PKD1: variants seen among roughly 807,000 people sequenced by gnomAD.
The protein encoded by PKD1 is polycystin 1, transient receptor potential channel interacting.
PKD1 carries 81 observed loss-of-function variants against 361.7 expected under a neutral mutation model. That is an observed-to-expected ratio of 0.22 (90% confidence interval 0.19 to 0.27). The LOEUF is 0.27. Ranked by LOEUF, PKD1 falls within the 10% of genes least tolerant of loss-of-function variation. The pLI is 1.00. For synonymous variants in PKD1, 3,615 were observed against 2,818.3 expected, an observed-to-expected ratio of 1.28 and a Z score of -8.95; for missense variants, 6,399 against 6,118.3, an observed-to-expected ratio of 1.05 and a Z score of -1.53.
At position 2,106,819 on chromosome 16, in the gene PKD1, C is replaced by T. The variant is rs1295123804; in HGVS notation, c.7195G>A (p.Gly2399Ser). The change falls in exon 17 of 46, where the codon GGC becomes AGC. Residue 2399 changes from glycine to serine, a missense_variant. Coordinates refer to ENST00000262304, the MANE Select transcript of PKD1 (RefSeq NM_001009944.3). The surrounding 1 kb of genome is among the most constrained non-coding windows in gnomAD (Gnocchi z 6.5). ...LEGRCLNCSSGSKRGRWAART... is the reference protein window; with the variant it reads ...LEGRCLNCSSSSKRGRWAART... ...TCAACACTCACCCCTCGCTTGGAGC[C>T]GCTGCTGCAATTGAGGCAGCGGCCC... The T allele has an allele frequency of 7.1e-6, 11 of 1,553,138 alleles. No homozygotes were observed. The highest frequency in any genetic ancestry group is 2.2e-5 in the South Asian group (2 of 90,320).
Position 2,111,672 on chromosome 16 carries a change from G to T in PKD1, c.3495C>A (p.Asp1165Glu). 6.3e-7 allele frequency: 1 copy of T among 1,575,346 alleles called. No individual in the cohort carries two copies. Among genetic ancestry groups the T allele is most frequent in the Non-Finnish European group, 8.6e-7 (1 of 1,162,002 alleles). Reference sequence around the variant, plus strand: ...GGCTCTGGGTCAGGACAGGGGAGCCGTCCCCGAAGTCCCACGTGTAAAGAA... The same window carrying T: ...GGCTCTGGGTCAGGACAGGGGAGCCTTCCCCGAAGTCCCACGTGTAAAGAA... Reference protein sequence around the residue: ...GGVLYTWDFGDGSPVLTQSQP... With the variant: ...GGVLYTWDFGEGSPVLTQSQP... The change falls in exon 15 of 46, where the codon GAC becomes GAA. Residue 1165 changes from aspartate (D) to glutamate (E), a missense_variant. By Grantham distance (45) the Asp-to-Glu change is conservative. Coordinates refer to ENST00000262304, the MANE Select transcript of PKD1 (RefSeq NM_001009944.3).
At position 2,106,342 on chromosome 16, in the gene PKD1, G is replaced by A. The variant is rs775658891; in HGVS notation, c.7490-38C>T. The A allele has an allele frequency of 1.0e-4, 160 of 1,604,346 alleles. 1 individual carries two copies. Among genetic ancestry groups the A allele is most frequent in the South Asian group, 3.2e-4 (29 of 90,540 alleles). On this transcript the variant is annotated intron_variant, in intron 18 of 45. Coordinates refer to ENST00000262304, the MANE Select transcript of PKD1 (RefSeq NM_001009944.3). The surrounding 1 kb of genome is among the most constrained non-coding windows in gnomAD (Gnocchi z 6.5). The stretch of plus-strand genomic sequence containing the variant: ...CCCCACGGCATCACGGGAGGGCTCC[G>A]TGACGTCACAGAGTCGGGGGATCCC...
chr16:2,132,354 G>C lies in PKD1; in HGVS notation c.215+3121C>G, dbSNP rs570152259. 2.3e-3 allele frequency among the ~76,000 whole-genome samples: 351 copies of C among 151,800 alleles called. 2 individuals carry two copies. Among genetic ancestry groups the C allele is most frequent in the African/African-American group, 8.0e-3 (330 of 41,306 alleles). ...GGAGGCCGAGGTGGGCAGATCACGA[G>C]GTCAGGAGATCGAGACCATCCTGGC... On this transcript the variant is annotated intron_variant, in intron 1 of 45. Transcript: ENST00000262304.
intron 1 of PKD1, among the ~76,000 whole-genome samples, chr16:2,125,155 C>T (rs558826471): frequency 3.9e-5 from 6 of 152,216 alleles, no homozygotes; most frequent in South Asian, 4.1e-4. Context: ...CTTCCAGGGC[C>T]GGAAATGATC....
chr16:2,097,616 G>C lies in PKD1; in HGVS notation c.10220+112C>G, dbSNP rs905557036. 7 of 1,610,124 alleles carry C rather than the reference G, an allele frequency of 4.3e-6. No individual in the cohort carries two copies. In the South Asian group the frequency reaches 5.5e-5, roughly 13 times the overall value. ...TTCCGAGCAAACCTGCTCCCGGGTGGTGTGACCACATGGAGCCACAGACAC... is the reference window on the plus strand; with the variant it reads ...TTCCGAGCAAACCTGCTCCCGGGTGCTGTGACCACATGGAGCCACAGACAC... On this transcript the variant is annotated intron_variant, in intron 32 of 45. Transcript: ENST00000262304.
At position 2,097,912 on chromosome 16, in the gene PKD1, C is replaced by A; in HGVS notation, c.10123G>T (p.Val3375Leu). ...AACGTGAGGAAGGAGCTGTCCAGCA[C>A]GGACGAGTCCAGGCAGCTGTCGATG... Reference protein sequence around the residue: ...LDIDSCLDSSVLDSSFLTFSG... With the variant: ...LDIDSCLDSSLLDSSFLTFSG... The change falls in exon 31 of 46, where the codon GTG becomes TTG. Residue 3375 changes from valine to leucine, a missense_variant. Val to Leu is a conservative substitution (Grantham distance 32, BLOSUM62 1). Coordinates refer to ENST00000262304, the MANE Select transcript of PKD1 (RefSeq NM_001009944.3). The A allele has an allele frequency of 6.2e-7, 1 of 1,604,302 alleles. No individual in the cohort carries two copies. Among genetic ancestry groups the A allele is most frequent in the Non-Finnish European group, 8.5e-7 (1 of 1,173,998 alleles).
chr16:2,103,588 C>T lies in PKD1; in HGVS notation c.8469G>A (p.Val2823=), dbSNP rs751946430. The T allele has an allele frequency of 3.1e-6, 5 of 1,610,378 alleles. No individual in the cohort carries two copies. Among genetic ancestry groups the T allele is most frequent in the Non-Finnish European group, 4.2e-6 (5 of 1,179,702 alleles). Residue 2823 remains valine (V), a synonymous_variant, in exon 23 of 46, where the codon GTG becomes GTA. Transcript: ENST00000262304. ...SGALANLSDV[V]QLIFLVDSNP... ...TGGAGTCCACCAGAAAGATGAGCTG[C>T]ACCACGTCACTGAGGTTGGCCAGGG...
intron 8 of PKD1, 90 bp downstream of exon 8, chr16:2,116,439 G>C: frequency 1.4e-6 from 1 of 718,316 alleles, no homozygotes; most frequent in South Asian, 1.6e-5. Flanking sequence ...AGGCCCCCAA[G>C]TTTTTTGGCG....
Position 2,093,955 on chromosome 16 carries a change from G to A in PKD1, c.10677C>T (p.His3559=), listed in dbSNP as rs978561599. ...CAGCCACCAGGAGCAGGCTGAGCCC[G>A]TGGGCCAGGGAGGCACACCAGGCCG... is the stretch of plus-strand genomic sequence containing the variant. The part of the protein sequence containing the change: ...LLPAWCASLA[H]GLSLLLVAVA... Residue 3559 remains histidine, a synonymous_variant, in exon 36 of 46, where the codon CAC becomes CAT. Coordinates refer to ENST00000262304, the MANE Select transcript of PKD1 (RefSeq NM_001009944.3). 8.2e-6 allele frequency: 13 copies of A among 1,586,200 alleles called. No individual in the cohort carries two copies. The highest frequency in any genetic ancestry group is 4.6e-5 in the East Asian group (2 of 43,938).
chr16:2,108,761 G>A lies in PKD1; in HGVS notation c.6406C>T (p.Gln2136Ter), dbSNP rs2092425533. ...ASNLVSFFVAQATVTVQVLAC... is the reference protein window; with the variant it reads ...ASNLVSFFVA ...AGCACCTGGACGGTCACCGTGGCCT[G>A]CGCCACGAAGAAGCTCACCAGGTTG... Residue 2136 changes from glutamine (Q) to a stop codon, truncating the protein, a stop_gained, in exon 15 of 46, where the codon CAG becomes TAG. Coordinates refer to ENST00000262304, the MANE Select transcript of PKD1 (RefSeq NM_001009944.3). LOFTEE classifies it high-confidence loss of function. 2 of 1,570,462 alleles carry A rather than the reference G, an allele frequency of 1.3e-6. No individual in the cohort carries two copies. The highest frequency in any genetic ancestry group is 1.7e-6 in the Non-Finnish European group (2 of 1,159,138).
chr16:2,096,148 A>G (rs117744279), intron 34 of PKD1, among the ~76,000 whole-genome samples: 1 of 152,394 alleles, frequency 6.6e-6, no homozygotes, highest in East Asian at 1.9e-4. Context: ...ATGTGTTCTG[A>G]GAAATGCGTC....
chr16:2,091,959 G>C, intron 40 of PKD1, 53 bp from the exon 41 acceptor site: 1 of 1,611,848 alleles, frequency 6.2e-7, no homozygotes, highest in Non-Finnish European at 8.5e-7. Flanking sequence ...CGGCACCCCG[G>C]AGCCAGGCTG....
rs756760948 is a variant in PKD1, at chr16:2,106,416, C to T, written c.7471G>A (p.Val2491Met). ...CACTCACCCGTGCATTCGAAGTGCA[C>T]CTTGGTGGTGAGGGCGTGCACAGCG... The part of the protein sequence containing the change: ...LGAVHALTTK[V>M]HFECTGWHDA... The change falls in exon 18 of 46, where the codon GTG (valine) becomes ATG (methionine). Residue 2491 changes from valine (V) to methionine (M), a missense_variant. Physicochemically the swap from Val to Met is conservative, Grantham distance 21. Coordinates refer to ENST00000262304, the MANE Select transcript of PKD1 (RefSeq NM_001009944.3). The surrounding 1 kb of genome is among the most constrained non-coding windows in gnomAD (Gnocchi z 6.5). 45 of 1,589,566 alleles carry T rather than the reference C, an allele frequency of 2.8e-5. No homozygotes were observed. The South Asian group carries it at 5.0e-4, about 17-fold the overall frequency.
intron 13 of PKD1, 139 bp downstream of exon 13, chr16:2,112,649 T>G: frequency 9.1e-7 from 1 of 1,104,800 alleles, no homozygotes; most frequent in Non-Finnish European, 1.3e-6. Context: ...TCAGGGCTCC[T>G]GTGCACCCAG....
intron 21 of PKD1, 144 bp downstream of exon 21, chr16:2,105,178 G>T: frequency 1.2e-6 from 1 of 821,998 alleles, no homozygotes; most frequent in Non-Finnish European, 2.0e-6. Flanking sequence ...ACTGAAGCAG[G>T]TCAGAGACCG....
rs760251071 is a variant in PKD1 at position 2,090,963 on chromosome 16, G to A, written c.11924C>T (p.Thr3975Ile). The change falls in exon 43 of 46, where the codon ACT becomes ATT. Residue 3975 changes from threonine to isoleucine, a missense_variant. Transcript: ENST00000262304. ...RFVRGRPRRF[T>I]SFDQVAQLSS... Reference sequence around the variant, plus strand: ...CAGCTGCGCCACCTGGTCGAAGCTAGTGAAGCGGCGCGGGCGGCCGCGCAC... The same window carrying A: ...CAGCTGCGCCACCTGGTCGAAGCTAATGAAGCGGCGCGGGCGGCCGCGCAC... 1.9e-6 allele frequency: 3 copies of A among 1,549,696 alleles called. No individual in the cohort carries two copies. The highest frequency in any genetic ancestry group is 2.4e-5 in the East Asian group (1 of 41,892).
At position 2,106,579 on chromosome 16, in the gene PKD1, GC is replaced by G; in HGVS notation, c.7307del (p.Gly2436AlafsTer184). The G allele has an allele frequency of 6.3e-7, 1 of 1,596,020 alleles. No individual in the cohort carries two copies. On this transcript the variant is annotated frameshift_variant, in exon 18 of 46. Coordinates refer to ENST00000262304, the MANE Select transcript of PKD1 (RefSeq NM_001009944.3). LOFTEE classifies it high-confidence loss of function. This position sits in a 1 kb window ranked among gnomAD's most constrained non-coding sequence, Gnocchi z 6.5. ...SAGMRLVLRR[G>X]VLRDGEGYTF... ...TGTATCCCTCGCCGTCCCGCAGCACGCCCCGCCGCAGCACCAGTCGCATGCC... is the reference window on the plus strand; with the variant it reads ...TGTATCCCTCGCCGTCCCGCAGCACGCCCGCCGCAGCACCAGTCGCATGCC...
At chr16:2,092,332 A>C (rs920533326) in intron 39 of PKD1, 144 bp from the exon 40 acceptor site, 62 of 1,004,814 alleles carry the variant, frequency 6.2e-5, no homozygotes, top group Non-Finnish European at 8.3e-5. Context: ...CAACGTTACC[A>C]TCTCTCATAT....
intron 1 of PKD1, among the ~76,000 whole-genome samples, 195 bp from the exon 2 acceptor site, chr16:2,119,573 G>A (rs570225562): frequency 7.3e-4 from 111 of 152,336 alleles, no homozygotes; most frequent in African/African-American, 2.6e-3. Flanking sequence ...CAAGCCAGGA[G>A]AGGCCTGGGG....
Sources: gnomAD v4.1 joint callset for allele counts (sites outside exome capture counted in the v4.1 genomes callset) on GRCh38, gnomAD v4.1.1 for gene constraint, Gnocchi (gnomAD v3.1) non-coding constraint, MANE v1.5 for transcripts, NCBI Gene and HGNC (gene_info 2026-07-23, HGNC 2026-07-21) for gene names.